The following STOML1 variants were observed in gnomAD, a reference collection of about 807,000 sequenced individuals.
STOML1 encodes the protein stomatin-like protein 1.
A neutral mutation model predicts 35.7 loss-of-function variants in STOML1; 27 were observed. That is an observed-to-expected ratio of 0.76 (90% confidence interval 0.56 to 1.04). The LOEUF is 1.04. STOML1 is among the 50% of genes least tolerant of loss of function. The pLI, the probability that STOML1 is intolerant of heterozygous loss-of-function variation, is 0.00. For missense variants in STOML1, 451 were observed against 527.1 expected (o/e 0.86, Z 1.41); for synonymous variants, 219 against 227.9 (o/e 0.96, Z 0.35).
rs1379562581 is a variant in STOML1, at chr15:73,985,349, TGA to T, written c.757_758del (p.Ser253AsnfsTer19). 6.4e-7 allele frequency: 1 copy of T among 1,553,258 alleles called. No homozygotes were observed. The highest frequency in any genetic ancestry group is 1.2e-5 in the South Asian group (1 of 82,046). On this transcript the variant is annotated frameshift_variant, in exon 5 of 7. Transcript: ENST00000541638. LOFTEE classifies it high-confidence loss of function. Reference sequence around the variant, plus strand: ...CCGGGGACGGGGCACCTCCTGCCATTGAGTTCATGCTTCCTCCCAGGAAGTGC... The same window carrying T: ...CCGGGGACGGGGCACCTCCTGCCATTGTTCATGCTTCCTCCCAGGAAGTGC... ...ALHFLGGSMN[S>X]MAGGAPSPGP...
chr15:73,984,170 G>A, intron 6 of STOML1, 40 bp from the exon 7 acceptor site: 1 of 1,582,646 alleles, frequency 6.3e-7, no homozygotes, highest in East Asian at 2.3e-5. Context: ...TAGGGGAATG[G>A]AGGAACGTGA....
intron 1 of STOML1, chr15:73,990,929 G>A: frequency 2.0e-6 from 3 of 1,516,996 alleles, no homozygotes; most frequent in Non-Finnish European, 1.8e-6. Context: ...GAGTCCTTAT[G>A]AAGATGATGC....
intron 1 of STOML1, chr15:73,991,704 C>T (rs1354055814): frequency 6.2e-6 from 3 of 480,616 alleles, no homozygotes; most frequent in Non-Finnish European, 1.2e-5. Context: ...GAAAATTCTT[C>T]CATTTCCCTG....
chr15:73,984,615 C>T, intron 6 of STOML1, 44 bp downstream of exon 6: 1 of 1,604,760 alleles, frequency 6.2e-7, no homozygotes, highest in South Asian at 1.1e-5. Context: ...AACAAGAAAC[C>T]TAGCAAGCTG....
upstream of STOML1, among the ~76,000 whole-genome samples, chr15:73,994,000 C>T (rs1035018014): frequency 6.6e-6 from 1 of 152,026 alleles, no homozygotes; most frequent in African/African-American, 2.4e-5. Flanking sequence ...CCTCTGCATC[C>T]CACAGCCACT....
Position 73,984,130 on chromosome 15 carries a change from C to T in STOML1, c.1004G>A (p.Gly335Glu), listed in dbSNP as rs1349865168. Reference protein sequence around the residue: ...QSAYFLDLTTGRGRVGHGVPD... With the variant: ...QSAYFLDLTTERGRVGHGVPD... ...CACCCCGTGTCCCACTCTTCCTCGT[C>T]CTGTGGGGCAAAAGAAAACCGAGTG... The change falls in exon 7 of 7, where the codon GGA (glycine) becomes GAA (glutamate). Residue 335 changes from glycine (G) to glutamate (E), a missense_variant and splice_region_variant. Transcript: ENST00000541638. 2.5e-6 allele frequency: 4 copies of T among 1,608,440 alleles called. No homozygotes were observed. Among genetic ancestry groups the T allele is most frequent in the South Asian group, 1.1e-5 (1 of 90,864 alleles).
chr15:73,984,092 G>T lies in STOML1; in HGVS notation c.1042C>A (p.Pro348Thr). ...RVGHGVPDGI[P>T]DVVVEMAEAD... Reference sequence around the variant, plus strand: ...TCGGCCATCTCCACCACCACATCAGGGATGCCATCAGGCACCCCGTGTCCC... The same window carrying T: ...TCGGCCATCTCCACCACCACATCAGTGATGCCATCAGGCACCCCGTGTCCC... Residue 348 changes from proline (P) to threonine (T), a missense_variant, in exon 7 of 7, where the codon CCT (proline) becomes ACT (threonine). Physicochemically the swap from Pro to Thr is conservative, Grantham distance 38 (BLOSUM62 -1). Transcript: ENST00000541638. 1 of 1,613,810 alleles carries T rather than the reference G, an allele frequency of 6.2e-7. No individual in the cohort carries two copies. Among genetic ancestry groups the T allele is most frequent in the Non-Finnish European group, 8.5e-7 (1 of 1,179,860 alleles).
chr15:73,988,694 G>T lies in STOML1; in HGVS notation c.499C>A (p.Arg167Ser), dbSNP rs116083516. 1 of 1,614,060 alleles carries T rather than the reference G, an allele frequency of 6.2e-7. No individual in the cohort carries two copies. The highest frequency in any genetic ancestry group is 8.5e-7 in the Non-Finnish European group (1 of 1,180,046). The change falls in exon 4 of 7, where the codon CGC becomes AGC. Residue 167 changes from arginine (R) to serine (S), a missense_variant. Physicochemically the swap from Arg to Ser is moderately radical, Grantham distance 110. Transcript: ENST00000541638. This position sits in a 1 kb window ranked among gnomAD's most constrained non-coding sequence, Gnocchi z 4.8. ...GTCATGGCGTTCTGGGCTGTCATGC[G>T]TGTGGCTGTGTTCAGGTCTTTCACA... ...MTVKDLNTAT[R>S]MTAQNAMTKA... is the part of the protein sequence containing the mutation.
In STOML1 at chr15:73,983,812, G is replaced by T; in HGVS notation, c.*125C>A. 8.8e-7 allele frequency: 1 copy of T among 1,141,122 alleles called. No homozygotes were observed. The highest frequency in any genetic ancestry group is 1.2e-6 in the Non-Finnish European group (1 of 818,450). 70.7% of individuals were successfully genotyped at this position (1,141,122 alleles called of 1,614,324 possible). A position where few individuals can be genotyped will look rare whatever the true frequency, so the allele number is the denominator to read the frequency against. ...CTGCAGCCTCCATTCATGGGCTCTT[G>T]GCTGGGCCTGAAATTTGTTAGGGCC... is the stretch of plus-strand genomic sequence containing the variant. On this transcript the variant is annotated 3_prime_UTR_variant, in exon 7 of 7. Transcript: ENST00000541638.
chr15:73,992,444 T>C, upstream of STOML1: 1 of 410,016 alleles, frequency 2.4e-6, no homozygotes, highest in South Asian at 7.8e-5. Flanking sequence ...GGCTACTGGG[T>C]GTGATCGGCG....
At chr15:73,992,043 G>T (rs1409619796) in intron 1 of STOML1, 48 bp downstream of exon 1, 3 of 1,514,558 alleles carry the variant, frequency 2.0e-6, no homozygotes, top group East Asian at 2.5e-5. Context: ...GGGCCTGGGG[G>T]TTGCCGGCCG....
At chr15:73,985,787 G>A in intron 4 of STOML1, 1 of 425,188 alleles carries the variant, frequency 2.4e-6, no homozygotes, top group East Asian at 4.9e-5. Flanking sequence ...AACAGGAACA[G>A]CATGTGCAAA....
Position 73,985,404 on chromosome 15 carries a change from A to G in STOML1, c.704T>C (p.Leu235Pro). 6.4e-7 allele frequency: 1 copy of G among 1,563,886 alleles called. No homozygotes were observed. Among genetic ancestry groups the G allele is most frequent in the Non-Finnish European group, 8.6e-7 (1 of 1,162,382 alleles). Residue 235 changes from leucine to proline, a missense_variant, in exon 5 of 7, where the codon CTG becomes CCG. Physicochemically the swap from Leu to Pro is moderately conservative, Grantham distance 98. Transcript: ENST00000541638. ...PPQDSPAGPN[L>P]DSTLQQLALH... ...GGCCAGCTGCTGGAGGGTGCTGTCC[A>G]GGTTGGGCCCAGCTGGGCTGTCCTG...
At chr15:73,989,486 C>G (rs1375692262) in intron 2 of STOML1, among the ~76,000 whole-genome samples, 1 of 152,146 alleles carries the variant, frequency 6.6e-6, no homozygotes, top group African/African-American at 2.4e-5. Context: ...CTGAATAACT[C>G]CAAAGGCCAT....
intron 5 of STOML1, 122 bp from the exon 6 acceptor site, chr15:73,984,993 G>C: frequency 8.5e-7 from 1 of 1,178,012 alleles, no homozygotes; most frequent in Non-Finnish European, 1.2e-6. Flanking sequence ...ATCCCCTTCA[G>C]GCCTCTGTTC....
In STOML1 at chr15:73,978,946, T is replaced by G. The variant is rs562210038; in HGVS notation, c.*4991A>C. The G allele has an allele frequency of 1.3e-5, 2 of 152,326 alleles. No homozygotes were observed. Among genetic ancestry groups the G allele is most frequent in the Admixed American group, 1.3e-4 (2 of 15,310 alleles). The allele number at this position is 152,326 out of a possible 1,614,324, so 9.4% of individuals were successfully genotyped here. ...TTGTACACAGATGTCTGGAGGAGCT[T>G]TATTTAATAACCAAACCTGAAAACT... is the stretch of plus-strand genomic sequence containing the variant. On this transcript the variant is annotated 3_prime_UTR_variant, in exon 7 of 7. Coordinates refer to ENST00000541638, the MANE Select transcript of STOML1 (RefSeq NM_004809.5).
At chr15:73,984,235 G>A in intron 6 of STOML1, 105 bp from the exon 7 acceptor site, 1 of 1,257,358 alleles carries the variant, frequency 8.0e-7, no homozygotes, top group Non-Finnish European at 1.1e-6. Context: ...GGAGAGTACT[G>A]GTTAAGAGTT....
chr15:73,992,671 G>A (rs927807367), upstream of STOML1, among the ~76,000 whole-genome samples: 1 of 152,162 alleles, frequency 6.6e-6, no homozygotes, highest in Non-Finnish European at 1.5e-5. Context: ...TTAGCCTGGC[G>A]TGGGATGCCT....
Position 73,989,226 on chromosome 15 carries a change from A to C in STOML1, c.272T>G (p.Phe91Cys). 3 of 1,607,456 alleles carry C rather than the reference A, an allele frequency of 1.9e-6. No individual in the cohort carries two copies. Among genetic ancestry groups the C allele is most frequent in the Non-Finnish European group, 2.5e-6 (3 of 1,176,766 alleles). Residue 91 changes from phenylalanine (F) to cysteine (C), a missense_variant, in exon 3 of 7, where the codon TTC (phenylalanine) becomes TGC (cysteine). Phe to Cys is a radical substitution (Grantham distance 205). Coordinates refer to ENST00000541638, the MANE Select transcript of STOML1 (RefSeq NM_004809.5). The part of the protein sequence containing the change: ...IVPTYERMIV[F>C]RLGRIRTPQG... ...GGGGGTGCGGATCCGGCCCAGGCGG[A>C]ACACAATCATCCGCTCGTAGGTGGG...
Sources: gnomAD v4.1 joint callset for allele counts (sites outside exome capture counted in the v4.1 genomes callset) on GRCh38, gnomAD v4.1.1 for gene constraint, Gnocchi (gnomAD v3.1) non-coding constraint, MANE v1.5 for transcripts, NCBI Gene and HGNC (gene_info 2026-07-23, HGNC 2026-07-21) for gene names.